The following GALNT18 variants were observed in gnomAD, a reference collection of about 807,000 sequenced individuals.
GALNT18 encodes GalNAc-transferase 18.
In GALNT18, 44 loss-of-function variants were observed where a neutral mutation model predicts 69.5. The ratio of observed to expected loss-of-function variants is 0.63; its 90% CI spans 0.50 to 0.81. The LOEUF is 0.81. Ranked by LOEUF, GALNT18 falls within the 40% of genes least tolerant of loss-of-function variation. The pLI, the probability that GALNT18 is intolerant of heterozygous loss-of-function variation, is 0.00. For missense variants in GALNT18, 715 were observed against 810.0 expected (o/e 0.88, Z 1.42); for synonymous variants, 364 against 318.2 (o/e 1.14, Z -1.53).
chr11:11,571,144 T>C (rs4357681), intron 1 of GALNT18, among the ~76,000 whole-genome samples: 129,387 of 152,206 alleles, frequency 0.85, 55,121 homozygotes, highest in South Asian at 0.92. Flanking sequence ...CTTTCCATTT[T>C]ACAGATGAAA....
intron 1 of GALNT18, among the ~76,000 whole-genome samples, chr11:11,576,650 G>A (rs1243656562): frequency 6.6e-6 from 1 of 152,188 alleles, no homozygotes; most frequent in Non-Finnish European, 1.5e-5. Flanking sequence ...GCTAGGACTC[G>A]ACCCTAGACC....
At chr11:11,361,435 A>G (rs566376403) in intron 6 of GALNT18, among the ~76,000 whole-genome samples, 2 of 152,344 alleles carry the variant, frequency 1.3e-5, no homozygotes, top group Admixed American at 1.3e-4. Context: ...GAATTAATAC[A>G]TGTAAAGCAC....
chr11:11,299,184 G>A (rs1032949826), intron 9 of GALNT18, among the ~76,000 whole-genome samples: 18 of 152,008 alleles, frequency 1.2e-4, no homozygotes, highest in African/African-American at 3.6e-4. Flanking sequence ...TCACTCTGTC[G>A]CTCAGTCTGG....
rs919971037 is a variant in GALNT18 at position 11,333,795 on chromosome 11, T to C, written c.1279-964A>G. Among the ~76,000 whole-genome samples the C allele has an allele frequency of 2.0e-4, 31 of 152,108 alleles. 1 individual carries two copies. The highest frequency in any genetic ancestry group is 7.2e-4 in the African/African-American group (30 of 41,432). ...GGCTAGAGAAGCCCCCTTCCTCATA[T>C]TTCTTGTAGAGCAGAGTTGGGCAGC... On this transcript the variant is annotated intron_variant, in intron 7 of 10. Transcript: ENST00000227756.
intron 1 of GALNT18, among the ~76,000 whole-genome samples, chr11:11,611,276 C>T (rs77741184): frequency 6.6e-6 from 1 of 152,132 alleles, no homozygotes; most frequent in African/African-American, 2.4e-5. Context: ...CTTTCCTTTA[C>T]AGCAATTGTT....
chr11:11,283,238 C>T (rs1329308222), intron 10 of GALNT18, among the ~76,000 whole-genome samples: 1 of 152,030 alleles, frequency 6.6e-6, no homozygotes, highest in Non-Finnish European at 1.5e-5. Context: ...CAATGCAATC[C>T]CAGGTTCAAG....
intron 1 of GALNT18, among the ~76,000 whole-genome samples, chr11:11,516,857 C>T (rs983655123): frequency 2.0e-5 from 3 of 152,134 alleles, no homozygotes; most frequent in Admixed American, 6.5e-5. Context: ...CCACGGCTGA[C>T]GCTAGCTGAC....
At chr11:11,398,224 T>C (rs1254420274) in intron 3 of GALNT18, among the ~76,000 whole-genome samples, 4 of 152,216 alleles carry the variant, frequency 2.6e-5, no homozygotes, top group Non-Finnish European at 2.9e-5. Flanking sequence ...CAAAGCGTGT[T>C]CCTTCTGTGT....
intron 10 of GALNT18, among the ~76,000 whole-genome samples, chr11:11,286,525 C>T (rs543011611): frequency 1.7e-4 from 26 of 152,128 alleles, no homozygotes; most frequent in African/African-American, 6.0e-4. Context: ...TGCATGCATC[C>T]GAGGACGGTC....
rs2133845362 is a variant in GALNT18 at position 11,465,347 on chromosome 11, G to T, written c.236-16411C>A. On this transcript the variant is annotated intron_variant, in intron 1 of 10. Coordinates refer to ENST00000227756, the MANE Select transcript of GALNT18 (RefSeq NM_198516.3). This position sits in a 1 kb window ranked among gnomAD's most constrained non-coding sequence, Gnocchi z 5.7. ...CATCCATCACACTGTGTAGCCCAGG[G>T]CTAGGAAGCAGAGATTCCCACCTTA... Among the ~76,000 whole-genome samples the T allele has an allele frequency of 6.6e-6, 1 of 152,238 alleles. No homozygotes were observed. Among genetic ancestry groups the T allele is most frequent in the Admixed American group, 6.5e-5 (1 of 15,292 alleles).
chr11:11,472,364 C>A (rs1856292143), intron 1 of GALNT18, among the ~76,000 whole-genome samples: 1 of 152,256 alleles, frequency 6.6e-6, no homozygotes, highest in Non-Finnish European at 1.5e-5. Context: ...CACTCTCTCA[C>A]TGACTTCATG....
At chr11:11,437,429 A>G (rs1855427806) in intron 2 of GALNT18, among the ~76,000 whole-genome samples, 1 of 152,144 alleles carries the variant, frequency 6.6e-6, no homozygotes, top group African/African-American at 2.4e-5. Context: ...CTCTGCACAC[A>G]GAAGGAGATG....
rs755404139 is a variant in GALNT18 at position 11,432,806 on chromosome 11, C to G, written c.429-19G>C. 6.2e-6 allele frequency: 10 copies of G among 1,608,012 alleles called. No individual in the cohort carries two copies. The East Asian group carries it at 2.0e-4, about 32-fold the overall frequency. ...ACGGCACCTGCAAAGAACAGCCAAG[C>G]GCTTAGATTTGTGACTCAGCTGGAG... On this transcript the variant is annotated intron_variant, in intron 2 of 10. Transcript: ENST00000227756. The surrounding 1 kb of genome is among the most constrained non-coding windows in gnomAD (Gnocchi z 5.8).
At chr11:11,274,865 C>T (rs572035988) in intron 10 of GALNT18, among the ~76,000 whole-genome samples, 1 of 152,320 alleles carries the variant, frequency 6.6e-6, no homozygotes, top group East Asian at 1.9e-4. Flanking sequence ...CCAGCTTCAT[C>T]CATGGGACAT....
At chr11:11,414,332 A>G (rs1854802180) in intron 3 of GALNT18, among the ~76,000 whole-genome samples, 1 of 152,198 alleles carries the variant, frequency 6.6e-6, no homozygotes, top group South Asian at 2.1e-4. Flanking sequence ...TATTCTAAAA[A>G]GTCCCACATG....
chr11:11,428,572 G>A (rs1281824796), intron 3 of GALNT18, among the ~76,000 whole-genome samples: 1 of 152,176 alleles, frequency 6.6e-6, no homozygotes, highest in Non-Finnish European at 1.5e-5. Context: ...TATTTTCGGA[G>A]GCAACTCTTG....
rs1311896257 is a variant in GALNT18, at chr11:11,550,962, C to T, written c.235+70397G>A. Reference sequence around the variant, plus strand: ...AGCAGCATGGAGAGGAAGAGCAACACACAGTGAGGTGTGCAATGGGGGAAT... The same window carrying T: ...AGCAGCATGGAGAGGAAGAGCAACATACAGTGAGGTGTGCAATGGGGGAAT... On this transcript the variant is annotated intron_variant, in intron 1 of 10. Coordinates refer to ENST00000227756, the MANE Select transcript of GALNT18 (RefSeq NM_198516.3). 3.3e-5 allele frequency among the ~76,000 whole-genome samples: 5 copies of T among 151,862 alleles called. 1 individual carries two copies. Among genetic ancestry groups the T allele is most frequent in the Admixed American group, 3.3e-4 (5 of 15,252 alleles).
At chr11:11,490,591 C>G (rs1335998569) in intron 1 of GALNT18, among the ~76,000 whole-genome samples, 3 of 152,104 alleles carry the variant, frequency 2.0e-5, no homozygotes, top group African/African-American at 7.2e-5. Flanking sequence ...AGCACTCAGC[C>G]CAGTCCAGGG....
chr11:11,274,348 T>C (rs1333711967), intron 10 of GALNT18, among the ~76,000 whole-genome samples: 1 of 152,136 alleles, frequency 6.6e-6, no homozygotes, highest in African/African-American at 2.4e-5. Context: ...ACAGAACCGT[T>C]CACTCTCCTG....
Sources: allele counts gnomAD v4.1 joint callset (sites outside exome capture counted in the v4.1 genomes callset), GRCh38; gene constraint gnomAD v4.1.1; non-coding constraint Gnocchi (gnomAD v3.1); transcripts MANE v1.5; gene names NCBI Gene and HGNC (gene_info 2026-07-23, HGNC 2026-07-21).